Variants in MYO16 observed in about 807,000 individuals in gnomAD.
The protein encoded by MYO16 is myosin XVI, also known as unconventional myosin-XVI.
MYO16 carries 94 observed loss-of-function variants against 205.3 expected under a neutral mutation model. That is an observed-to-expected ratio of 0.46 (90% CI 0.39 to 0.54). The LOEUF (loss-of-function observed/expected upper bound fraction) is 0.54, where lower values mean the gene tolerates loss of function less well. MYO16 is among the 20% of genes least tolerant of loss of function. The pLI, the probability that MYO16 is intolerant of heterozygous loss-of-function variation, is 0.00. For synonymous variants in MYO16, 988 were observed against 954.0 expected (o/e 1.04, Z -0.66); for missense variants, 2,315 against 2,387.5 (o/e 0.97, Z 0.63).
rs868756164 is a variant in MYO16, at chr13:108,861,504, A to G, written c.1360-4673A>G. On this transcript the variant is annotated intron_variant, in intron 11 of 34. Transcript: ENST00000457511. ...TTTGCACCTTTTTATTTTTTGGCCCACATAAGTACTTCTATGGGGTCTTTA... is the reference window on the plus strand; with the variant it reads ...TTTGCACCTTTTTATTTTTTGGCCCGCATAAGTACTTCTATGGGGTCTTTA... Among the ~76,000 whole-genome samples, 6 of 152,146 alleles carry G rather than the reference A, an allele frequency of 3.9e-5. No individual in the cohort carries two copies. In the South Asian group the frequency reaches 1.2e-3, roughly 31 times the overall value.
chr13:108,891,336 A>G (rs1168323641), intron 14 of MYO16, among the ~76,000 whole-genome samples: 1 of 152,136 alleles, frequency 6.6e-6, no homozygotes, highest in Non-Finnish European at 1.5e-5. Context: ...CTTCCTTTTT[A>G]TACAACCTTT....
chr13:108,989,139 G>C (rs1244896494), intron 20 of MYO16, among the ~76,000 whole-genome samples: 1 of 152,038 alleles, frequency 6.6e-6, no homozygotes, highest in Non-Finnish European at 1.5e-5. Flanking sequence ...ATCACCTCCA[G>C]GTCTACCATC....
intron 7 of MYO16, among the ~76,000 whole-genome samples, chr13:108,818,781 G>A (rs1875782956): frequency 6.6e-6 from 1 of 152,152 alleles, no homozygotes. Flanking sequence ...CAGCACATTT[G>A]GAAACTTAGG....
the MYO16 span, among the ~76,000 whole-genome samples, chr13:108,564,179 T>TC: frequency 3.3e-5 from 5 of 151,076 alleles, no homozygotes; most frequent in East Asian, 7.8e-4. Flanking sequence ...CTTCTTTTTT[T>TC]TTTTTTTTTT....
rs147587221 is a variant in MYO16, at chr13:109,079,530, C to T, written c.3336-21255C>T. 7.3e-3 allele frequency among the ~76,000 whole-genome samples: 1,116 copies of T among 152,174 alleles called. 14 individuals carry two copies. Among genetic ancestry groups the T allele is most frequent in the African/African-American group, 0.025 (1,054 of 41,524 alleles). On this transcript the variant is annotated intron_variant, in intron 27 of 34. Coordinates refer to ENST00000457511, the MANE Select transcript of MYO16 (RefSeq NM_001198950.3). The stretch of plus-strand genomic sequence containing the variant: ...CATGCAGGAACAGAAAACCAAATAC[C>T]ATGTGTTACCGCTTATAAGCGGAAG...
chr13:108,849,616 CTTTT>C (rs372610367), intron 10 of MYO16, among the ~76,000 whole-genome samples: 8,832 of 76,146 alleles, frequency 0.12, 407 homozygotes, highest in Middle Eastern at 0.23. Flanking sequence ...TGAATTTCCT[CTTTT>C]GTGTGTGTGT....
intron 27 of MYO16, among the ~76,000 whole-genome samples, chr13:109,083,137 C>T (rs1888331405): frequency 6.6e-6 from 1 of 151,874 alleles, no homozygotes; most frequent in African/African-American, 2.4e-5. Context: ...AATCCCAGCC[C>T]TTTGGGAGGC....
chr13:108,737,915 T>C (rs142725150), intron 4 of MYO16, among the ~76,000 whole-genome samples: 2,685 of 152,312 alleles, frequency 0.018, 78 homozygotes, highest in African/African-American at 0.061. Context: ...TTTTCTAGTT[T>C]ATTTGTGTAG....
chr13:108,843,297 T>A (rs1239576315), intron 9 of MYO16, among the ~76,000 whole-genome samples: 1 of 152,020 alleles, frequency 6.6e-6, no homozygotes, highest in African/African-American at 2.4e-5. Flanking sequence ...GAAATTCAAA[T>A]AAAAATCACA....
intron 32 of MYO16, among the ~76,000 whole-genome samples, chr13:109,157,242 CAAAAAAAAAAAA>C (rs56176251): frequency 2.8e-5 from 3 of 108,164 alleles, no homozygotes; most frequent in Admixed American, 1.0e-4. Context: ...TTAGTATTTA[CAAAAAAAAAAAA>C]AAAAAAAAAA....
chr13:108,771,091 A>G (rs1048039486), intron 4 of MYO16, among the ~76,000 whole-genome samples: 1 of 152,168 alleles, frequency 6.6e-6, no homozygotes, highest in Non-Finnish European at 1.5e-5. Flanking sequence ...AGGACTATAA[A>G]GGGGAGGACT....
chr13:109,170,333 C>A (rs1004862415), intron 33 of MYO16, among the ~76,000 whole-genome samples: 1 of 151,940 alleles, frequency 6.6e-6, no homozygotes, highest in African/African-American at 2.4e-5. Context: ...GACTCCAGGG[C>A]AATACTACTA....
At chr13:109,176,110 A>C (rs1879160751) in intron 33 of MYO16, among the ~76,000 whole-genome samples, 1 of 152,214 alleles carries the variant, frequency 6.6e-6, no homozygotes, top group Non-Finnish European at 1.5e-5. Context: ...ATGGAGTTTC[A>C]CTGCATATTC....
At chr13:109,199,614 A>G (rs1241043569) in intron 34 of MYO16, among the ~76,000 whole-genome samples, 1 of 152,220 alleles carries the variant, frequency 6.6e-6, no homozygotes, top group Non-Finnish European at 1.5e-5. Flanking sequence ...GGCATCCTTT[A>G]TATTGTACAA....
chr13:108,586,073 TTAA>T, the MYO16 span, among the ~76,000 whole-genome samples: 5 of 152,132 alleles, frequency 3.3e-5, no homozygotes, highest in South Asian at 1.0e-3. Flanking sequence ...TCAATTAGCA[TTAA>T]TAATTTTAAA....
chr13:109,104,903 T>C (rs994546940), intron 28 of MYO16, among the ~76,000 whole-genome samples: 3 of 152,134 alleles, frequency 2.0e-5, no homozygotes, highest in Non-Finnish European at 4.4e-5. Context: ...CTCATCCTCT[T>C]CTCTGCTTTG....
intron 10 of MYO16, among the ~76,000 whole-genome samples, chr13:108,849,619 T>G (rs113965732): frequency 0.098 from 8,183 of 83,828 alleles, 552 homozygotes; most frequent in Middle Eastern, 0.16. Flanking sequence ...ATTTCCTCTT[T>G]TGTGTGTGTG....
At chr13:109,002,800 T>C (rs1323661655) in intron 21 of MYO16, among the ~76,000 whole-genome samples, 1 of 152,208 alleles carries the variant, frequency 6.6e-6, no homozygotes, top group Non-Finnish European at 1.5e-5. Flanking sequence ...CACGCCCACA[T>C]ATGCACATTC....
intron 16 of MYO16, among the ~76,000 whole-genome samples, chr13:108,947,251 C>T (rs1350064839): frequency 1.3e-5 from 2 of 152,198 alleles, no homozygotes; most frequent in African/African-American, 4.8e-5. Context: ...CATGGCCTTA[C>T]ACATGCTTTC....
Sources: gnomAD v4.1 joint callset for allele counts (sites outside exome capture counted in the v4.1 genomes callset) on GRCh38, gnomAD v4.1.1 for gene constraint, MANE v1.5 for transcripts, NCBI Gene and HGNC (gene_info 2026-07-23, HGNC 2026-07-21) for gene names.